The following RTCA variants were observed in gnomAD, a reference collection of about 807,000 sequenced individuals.
The protein encoded by RTCA is RNA 3'-terminal phosphate cyclase.
A neutral mutation model predicts 46.1 loss-of-function variants in RTCA; 37 were observed. The observed-to-expected ratio is 0.80, with a 90% CI of 0.62 to 1.06. The LOEUF (loss-of-function observed/expected upper bound fraction) is 1.06, where lower values mean the gene tolerates loss of function less well. Among genes scored for constraint, RTCA ranks in the 50% least tolerant of loss-of-function variants. The pLI, the probability that RTCA is intolerant of heterozygous loss-of-function variation, is 0.00. For synonymous variants in RTCA, 164 were observed against 158.3 expected (o/e 1.04, Z -0.27); for missense variants, 435 against 455.5 (o/e 0.95, Z 0.41).
intron 8 of RTCA, among the ~76,000 whole-genome samples, chr1:100,283,942 AAAAAAAAGAAAAAAC>A (rs1666875954): frequency 7.1e-6 from 1 of 141,290 alleles, no homozygotes; most frequent in Non-Finnish European, 1.5e-5. Flanking sequence ...AAAGAAAAAA[AAAAAAAAGAAAAAAC>A]AAGAAAAAAC....
chr1:100,275,050 G>T lies in RTCA; in HGVS notation c.615+85G>T, dbSNP rs1349720804. The T allele has an allele frequency of 2.3e-5, 30 of 1,325,176 alleles. No homozygotes were observed. The South Asian group carries it at 3.5e-4, about 15-fold the overall frequency. The allele number at this position is 1,325,176 out of a possible 1,614,324, so 82.1% of individuals were successfully genotyped here. On this transcript the variant is annotated intron_variant, in intron 6 of 10. Transcript: ENST00000370128. ...CAACTAAATTTTGAAATTATTGAGA[G>T]AACTTAACATTTTTTTAAGGAAAGA...
chr1:100,281,310 A>G, intron 8 of RTCA: 1 of 533,844 alleles, frequency 1.9e-6, no homozygotes, highest in South Asian at 1.4e-5. Flanking sequence ...AGACTGAGGC[A>G]GTGTGTTATG....
chr1:100,287,156 A>G lies in RTCA; in HGVS notation c.952A>G (p.Thr318Ala). ...GVSRIKTGPV[T>A]LHTQTAIHFA... ...TTCCAGAATAAAAACAGGACCAGTT[A>G]CACTCCATACGCAAACCGCGATACA... The change falls in exon 10 of 11, where the codon ACA becomes GCA. Residue 318 changes from threonine to alanine, a missense_variant. Thr to Ala is a moderately conservative substitution (Grantham distance 58). Coordinates refer to ENST00000370128, the MANE Select transcript of RTCA (RefSeq NM_003729.4). 6.3e-7 allele frequency: 1 copy of G among 1,595,522 alleles called. No homozygotes were observed. Among genetic ancestry groups the G allele is most frequent in the Non-Finnish European group, 8.5e-7 (1 of 1,173,012 alleles).
At chr1:100,288,492 A>G (rs1228619858) in intron 10 of RTCA, among the ~76,000 whole-genome samples, 1 of 151,712 alleles carries the variant, frequency 6.6e-6, no homozygotes, top group Non-Finnish European at 1.5e-5. Context: ...TGGGCTCTCA[A>G]ATGATCCTCC....
rs1183628155 is a variant in RTCA, at chr1:100,285,794, CT to C, written c.894+480del. 5.9e-5 allele frequency among the ~76,000 whole-genome samples: 9 copies of C among 152,082 alleles called. No individual in the cohort carries two copies. In the East Asian group the frequency reaches 1.4e-3, roughly 23 times the overall value. On this transcript the variant is annotated intron_variant, in intron 9 of 10. Coordinates refer to ENST00000370128, the MANE Select transcript of RTCA (RefSeq NM_003729.4). ...GCTGTCATGCCTACCTAATTTAAAA[CT>C]TTTTTTTGTTTTAATTTTTATAGAG...
intron 3 of RTCA, among the ~76,000 whole-genome samples, chr1:100,268,585 A>G (rs1665914457): frequency 6.6e-6 from 1 of 152,006 alleles, no homozygotes; most frequent in Admixed American, 6.6e-5. Flanking sequence ...TTAAAGAGAC[A>G]AGGTTTCGCC....
intron 8 of RTCA, among the ~76,000 whole-genome samples, chr1:100,283,331 T>G (rs964738857): frequency 4.6e-5 from 7 of 151,914 alleles, no homozygotes; most frequent in Non-Finnish European, 1.0e-4. Flanking sequence ...CAACCATGCC[T>G]GGCTAATTTT....
Position 100,275,683 on chromosome 1 carries a change from G to C in RTCA, c.700G>C (p.Glu234Gln). Reference protein sequence around the residue: ...DLYVNIQPVQEPKDQAFGNGN... With the variant: ...DLYVNIQPVQQPKDQAFGNGN... ...GTATGTTAACATCCAGCCTGTTCAA[G>C]AACCTAAAGACCAAGCATTTGGCAA... The change falls in exon 7 of 11, where the codon GAA becomes CAA. Residue 234 changes from glutamate (E) to glutamine (Q), a missense_variant. Coordinates refer to ENST00000370128, the MANE Select transcript of RTCA (RefSeq NM_003729.4). 1 of 1,612,060 alleles carries C rather than the reference G, an allele frequency of 6.2e-7. No homozygotes were observed. Among genetic ancestry groups the C allele is most frequent in the Non-Finnish European group, 8.5e-7 (1 of 1,179,000 alleles).
intron 8 of RTCA, among the ~76,000 whole-genome samples, chr1:100,281,863 T>A (rs1666729594): frequency 6.6e-6 from 1 of 152,090 alleles, no homozygotes; most frequent in African/African-American, 2.4e-5. Flanking sequence ...ATTACAAGTG[T>A]GTGCCACCAT....
chr1:100,284,347 G>C (rs1258740811), intron 8 of RTCA, among the ~76,000 whole-genome samples: 1 of 151,226 alleles, frequency 6.6e-6, no homozygotes, highest in Admixed American at 6.6e-5. Context: ...AATGTTATAT[G>C]CTCTTTTTTT....
chr1:100,267,665 T>TTA, intron 2 of RTCA: 1 of 1,029,510 alleles, frequency 9.7e-7, no homozygotes, highest in Non-Finnish European at 1.3e-6. Context: ...TTTTTTTTTT[T>TTA]ATAAGGACAC....
intron 7 of RTCA, among the ~76,000 whole-genome samples, chr1:100,276,907 C>T (rs1016640559): frequency 7.9e-5 from 12 of 152,148 alleles, no homozygotes; most frequent in Non-Finnish European, 1.3e-4. Context: ...CTCTGCATAA[C>T]GACCTTTTTA....
intron 4 of RTCA, among the ~76,000 whole-genome samples, chr1:100,272,707 C>G (rs372187857): frequency 6.6e-6 from 1 of 152,008 alleles, no homozygotes; most frequent in South Asian, 2.1e-4. Flanking sequence ...AAAGTCAGTT[C>G]GATGGGATGT....
chr1:100,289,871 G>A (rs1335292721), intron 10 of RTCA, among the ~76,000 whole-genome samples: 1 of 152,204 alleles, frequency 6.6e-6, no homozygotes, highest in East Asian at 1.9e-4. Flanking sequence ...ACTTAAGCTA[G>A]ATAGGCCTGC....
chr1:100,288,100 G>A (rs569990238), intron 10 of RTCA, among the ~76,000 whole-genome samples: 1 of 152,140 alleles, frequency 6.6e-6, no homozygotes, highest in East Asian at 1.9e-4. Context: ...GGCCTGGATT[G>A]TTAATTTAAA....
At position 100,268,261 on chromosome 1, in the gene RTCA, G is replaced by A; in HGVS notation, c.256G>A (p.Gly86Ser). 6.2e-7 allele frequency: 1 copy of A among 1,613,952 alleles called. No homozygotes were observed. The highest frequency in any genetic ancestry group is 1.1e-5 in the South Asian group (1 of 91,046). Reference sequence around the variant, plus strand: ...AACCTTTACACCAGAGAAGATCAAAGGTGGAATCCACACAGCAGATACCAA... The same window carrying A: ...AACCTTTACACCAGAGAAGATCAAAAGTGGAATCCACACAGCAGATACCAA... Reference protein sequence around the residue: ...EITFTPEKIKGGIHTADTKTA... With the variant: ...EITFTPEKIKSGIHTADTKTA... Residue 86 changes from glycine to serine, a missense_variant, in exon 3 of 11, where the codon GGT becomes AGT. Gly to Ser is a moderately conservative substitution (Grantham distance 56). Transcript: ENST00000370128.
chr1:100,275,606 A>G lies in RTCA; in HGVS notation c.623A>G (p.Lys208Arg), dbSNP rs150156425. The change falls in exon 7 of 11, where the codon AAA becomes AGA. Residue 208 changes from lysine to arginine, a missense_variant. Lys to Arg is a conservative substitution (Grantham distance 26, BLOSUM62 2). Coordinates refer to ENST00000370128, the MANE Select transcript of RTCA (RefSeq NM_003729.4). ...TCTGTCTTGCTAAAATAGGTAGCAA[A>G]AGATATGGCAGCGGCAGCAGTTAGA... ...VAGVLPFKVA[K>R]DMAAAAVRCI... 5.4e-5 allele frequency: 86 copies of G among 1,603,126 alleles called. No individual in the cohort carries two copies. In the African/African-American group the frequency reaches 1.0e-3, roughly 19 times the overall value.
chr1:100,267,934 A>G (rs751332852), intron 2 of RTCA: 2 of 587,960 alleles, frequency 3.4e-6, no homozygotes, highest in Non-Finnish European at 5.9e-6. Context: ...ATTTATAGTC[A>G]GAAATAACTG....
chr1:100,278,550 A>G (rs1345202048), intron 8 of RTCA, among the ~76,000 whole-genome samples: 1 of 152,174 alleles, frequency 6.6e-6, no homozygotes, highest in African/African-American at 2.4e-5. Context: ...TGGGAGGATT[A>G]CTGAGACCAG....
Sources: gnomAD v4.1 joint callset for allele counts (sites outside exome capture counted in the v4.1 genomes callset) on GRCh38, gnomAD v4.1.1 for gene constraint, MANE v1.5 for transcripts, NCBI Gene and HGNC (gene_info 2026-07-23, HGNC 2026-07-21) for gene names.